ZNF398: variants seen among roughly 807,000 people sequenced by gnomAD.
ZNF398 encodes zinc finger protein 398, also known as zinc finger DNA binding protein ZER6.
ZNF398 carries 18 observed loss-of-function variants against 41.9 expected under a neutral mutation model. That is an observed-to-expected ratio of 0.43 (90% confidence interval 0.30 to 0.64). ZNF398 has a LOEUF of 0.64. Ranked by LOEUF, ZNF398 falls within the 30% of genes least tolerant of loss-of-function variation. ZNF398 has a pLI of 0.14. For missense variants in ZNF398, 669 were observed against 822.8 expected, an observed-to-expected ratio of 0.81 and a Z score of 2.29; for synonymous variants, 260 against 308.8, an observed-to-expected ratio of 0.84 and a Z score of 1.66.
At chr7:149,142,642 G>A (rs1408281593), upstream of ZNF398, among the ~76,000 whole-genome samples, 2 of 152,168 alleles carry the variant, frequency 1.3e-5, no homozygotes, top group Admixed American at 6.6e-5. Flanking sequence ...ACTCCAGCCT[G>A]GGCAACAGAG....
At chr7:149,176,625 A>AT in intron 5 of ZNF398, 44 bp downstream of exon 5, 1 of 1,289,096 alleles carries the variant, frequency 7.8e-7, no homozygotes. Context: ...TATCCAGCTC[A>AT]TGCCAGGACT....
chr7:149,161,812 A>G (rs1365945745), intron 2 of ZNF398, among the ~76,000 whole-genome samples: 2 of 148,640 alleles, frequency 1.3e-5, no homozygotes, highest in Admixed American at 6.7e-5. Context: ...TAACTCCAAA[A>G]AAAAAAAAAA....
chr7:149,138,188 C>T (rs189717252), intron 2 of ZNF398, among the ~76,000 whole-genome samples: 145 of 134,322 alleles, frequency 1.1e-3, no homozygotes, highest in Non-Finnish European at 1.8e-3. Flanking sequence ...GCAATAAGAG[C>T]GAAACTCTGT....
rs1186781730 is a variant in ZNF398, at chr7:149,151,327, T to A, written c.25-2618T>A. On this transcript the variant is annotated intron_variant, in intron 1 of 5. Coordinates refer to ENST00000475153, the MANE Select transcript of ZNF398 (RefSeq NM_170686.3). ...GAGAAGGGGAGTTGGAAGTGACTGA[T>A]GTGATCAATTAGAGAAAAAAAGCCA... The A allele has an allele frequency of 6.4e-6, 7 of 1,088,886 alleles. No homozygotes were observed. In the East Asian group the frequency reaches 4.3e-4, roughly 67 times the overall value. 67.5% of individuals were successfully genotyped at this position (1,088,886 alleles called of 1,614,324 possible). A position where few individuals can be genotyped will look rare whatever the true frequency, so the allele number is the denominator to read the frequency against.
intron 4 of ZNF398, among the ~76,000 whole-genome samples, chr7:149,170,627 C>T (rs1461823677): frequency 2.6e-5 from 4 of 151,672 alleles, no homozygotes; most frequent in African/African-American, 9.7e-5. Flanking sequence ...CCCAGCTACT[C>T]GGGAGGCCAA....
At chr7:149,155,725 TTTTTAA>T (rs1794959039) in intron 2 of ZNF398, among the ~76,000 whole-genome samples, 1 of 52,640 alleles carries the variant, frequency 1.9e-5, no homozygotes, top group East Asian at 8.0e-4. Context: ...TTTTTTTTTT[TTTTTAA>T]TTTTTTTTTT....
rs1260044228 is a variant in ZNF398 at position 149,179,065 on chromosome 7, C to T, written c.1193C>T (p.Pro398Leu). ...CAGGACCATGCCAGCGAGACACCCC[C>T]CACCTGCCCACACTGTGCCAGGACT... ...TSQDHASETP[P>L]TCPHCARTFT... is the part of the protein sequence containing the mutation. The change falls in exon 6 of 6, where the codon CCC becomes CTC. Residue 398 changes from proline (P) to leucine (L), a missense_variant. Coordinates refer to ENST00000475153, the MANE Select transcript of ZNF398 (RefSeq NM_170686.3). This position sits in a 1 kb window ranked among gnomAD's most constrained non-coding sequence, Gnocchi z 6.1. 5 of 1,613,894 alleles carry T rather than the reference C, an allele frequency of 3.1e-6. No homozygotes were observed. The highest frequency in any genetic ancestry group is 8.5e-7 in the Non-Finnish European group (1 of 1,180,000).
chr7:149,141,039 C>CAAAAAAAAAAAAAAAAAAAAAAAAAAAA (rs60228279), intron 2 of ZNF398, among the ~76,000 whole-genome samples: 1 of 120,162 alleles, frequency 8.3e-6, no homozygotes, highest in African/African-American at 3.3e-5. Context: ...CAGCCTGTCT[C>CAAAAAAAAAAAAAAAAAAAAAAAAAAAA]AAAAAAAAAA....
intron 4 of ZNF398, among the ~76,000 whole-genome samples, chr7:149,173,499 G>A (rs1022330304): frequency 6.6e-6 from 1 of 152,068 alleles, no homozygotes; most frequent in Non-Finnish European, 1.5e-5. Context: ...TATGCAATAA[G>A]ACTTCAAAGT....
In ZNF398 at chr7:149,179,288, C is replaced by T. The variant is rs1231882502; in HGVS notation, c.1416C>T (p.Leu472=). Residue 472 remains leucine, a synonymous_variant, in exon 6 of 6, where the codon CTC becomes CTT. Coordinates refer to ENST00000475153, the MANE Select transcript of ZNF398 (RefSeq NM_170686.3). The surrounding 1 kb of genome is among the most constrained non-coding windows in gnomAD (Gnocchi z 6.1). ...TCAGCTTGAAAATCAGCCTCCTGCTCCACCAGCGGGGTCATGCACAAGAGC... is the reference window on the plus strand; with the variant it reads ...TCAGCTTGAAAATCAGCCTCCTGCTTCACCAGCGGGGTCATGCACAAGAGC... The part of the protein sequence containing the change: ...RSFSLKISLL[L]HQRGHAQERP... The T allele has an allele frequency of 6.2e-7, 1 of 1,613,276 alleles. No individual in the cohort carries two copies. The highest frequency in any genetic ancestry group is 8.5e-7 in the Non-Finnish European group (1 of 1,179,996).
chr7:149,139,046 G>T (rs1585505461), intron 2 of ZNF398, among the ~76,000 whole-genome samples: 1 of 152,028 alleles, frequency 6.6e-6, no homozygotes, highest in African/African-American at 2.4e-5. Flanking sequence ...GAGTAGCTGG[G>T]ACTACAGGAG....
At chr7:149,138,966 C>T (rs1278584792) in intron 2 of ZNF398, among the ~76,000 whole-genome samples, 2 of 143,622 alleles carry the variant, frequency 1.4e-5, no homozygotes, top group Non-Finnish European at 3.0e-5. Flanking sequence ...GGCTGGAGTA[C>T]AGTGACGCAT....
intron 2 of ZNF398, among the ~76,000 whole-genome samples, chr7:149,156,861 C>CAAA (rs11400806): frequency 0.077 from 10,901 of 141,028 alleles, 460 homozygotes; most frequent in African/African-American, 0.093. Flanking sequence ...AACTCCATTT[C>CAAA]AAAAAAAAAA....
chr7:149,151,356 A>G, intron 1 of ZNF398: 1 of 785,266 alleles, frequency 1.3e-6, no homozygotes, highest in South Asian at 2.3e-5. Context: ...AAAGCCAGGA[A>G]CGGGCAGATA....
chr7:149,175,747 C>T (rs1158816757), intron 4 of ZNF398, among the ~76,000 whole-genome samples: 2 of 152,106 alleles, frequency 1.3e-5, no homozygotes, highest in East Asian at 1.9e-4. Context: ...TGCAATGGTG[C>T]GATCTCGGCT....
At chr7:149,173,093 ATTTTTTTTTTTTT>A (rs71192762) in intron 4 of ZNF398, among the ~76,000 whole-genome samples, 4 of 64,958 alleles carry the variant, frequency 6.2e-5, no homozygotes, top group African/African-American at 1.2e-4. Flanking sequence ...GGCAATTTCT[ATTTTTTTTTTTTT>A]TTTTTTTTTT....
chr7:149,162,563 C>T (rs11983344), intron 2 of ZNF398, among the ~76,000 whole-genome samples: 5,463 of 152,202 alleles, frequency 0.036, 317 homozygotes, highest in African/African-American at 0.12. Context: ...CTCCTAACCT[C>T]AAGTGATGCT....
intron 2 of ZNF398, among the ~76,000 whole-genome samples, chr7:149,134,774 A>G (rs1265291114): frequency 6.6e-6 from 1 of 152,092 alleles, no homozygotes; most frequent in Non-Finnish European, 1.5e-5. Flanking sequence ...TCTGTCGCCC[A>G]GGCGGGAATG....
At chr7:149,164,681 G>A (rs1484833637) in intron 2 of ZNF398, among the ~76,000 whole-genome samples, 2 of 152,188 alleles carry the variant, frequency 1.3e-5, no homozygotes, top group Admixed American at 1.3e-4. Flanking sequence ...CAAGGAAGAA[G>A]GTTGTAAAAG....
Sources: gnomAD v4.1 joint callset for allele counts (sites outside exome capture counted in the v4.1 genomes callset) on GRCh38, gnomAD v4.1.1 for gene constraint, Gnocchi (gnomAD v3.1) non-coding constraint, MANE v1.5 for transcripts, NCBI Gene and HGNC (gene_info 2026-07-23, HGNC 2026-07-21) for gene names.